Variants in EML4 observed in about 807,000 individuals in gnomAD.
The protein encoded by EML4 is echinoderm microtubule-associated protein-like 4.
EML4 carries 72 observed loss-of-function variants against 129.0 expected under a neutral mutation model. The observed-to-expected ratio is 0.56, with a 90% CI of 0.46 to 0.68. The LOEUF is 0.68. EML4 is among the 30% of genes least tolerant of loss of function. EML4 has a pLI of 0.00. For missense variants in EML4, 1,363 were observed against 1,190.6 expected (o/e 1.14, Z -2.13); for synonymous variants, 532 against 405.0 (o/e 1.31, Z -3.77).
chr2:42,263,741 A>G (rs1315234904), intron 5 of EML4, among the ~76,000 whole-genome samples: 1 of 139,350 alleles, frequency 7.2e-6, no homozygotes, highest in Non-Finnish European at 1.6e-5. Flanking sequence ...ATTATAATTT[A>G]TACTTCTCTT....
In EML4 at chr2:42,329,718, G is replaced by GATTT; in HGVS notation, c.2473-11_2473-8dup. 6.2e-7 allele frequency: 1 copy of GATTT among 1,603,624 alleles called. No homozygotes were observed. Among genetic ancestry groups the GATTT allele is most frequent in the Non-Finnish European group, 8.5e-7 (1 of 1,171,700 alleles). ...ATGAGTTTAATTTTCCTGTCTGTCT[G>GATTT]ATTTATTTCATATAGGCTCCCAGTC... On this transcript the variant is annotated splice_polypyrimidine_tract_variant and intron_variant, in intron 22 of 22. Transcript: ENST00000318522.
chr2:42,276,963 C>T (rs1407570222), intron 6 of EML4, among the ~76,000 whole-genome samples: 1 of 152,134 alleles, frequency 6.6e-6, no homozygotes, highest in Non-Finnish European at 1.5e-5. Flanking sequence ...CTACATCATG[C>T]CTTTGCTTTT....
intron 17 of EML4, among the ~76,000 whole-genome samples, chr2:42,313,079 G>A (rs934312239): frequency 2.0e-5 from 3 of 150,322 alleles, no homozygotes; most frequent in African/African-American, 7.4e-5. Context: ...CTTCCAAGTA[G>A]CTGGGACTAC....
At chr2:42,329,671 T>C (rs1669993731) in intron 22 of EML4, 63 bp from the exon 23 acceptor site, 8 of 1,413,582 alleles carry the variant, frequency 5.7e-6, no homozygotes, top group Non-Finnish European at 6.9e-6. Flanking sequence ...TCACCTCCAT[T>C]TCTGAAACAG....
In EML4 at chr2:42,231,435, T is replaced by C. The variant is rs373304878; in HGVS notation, c.26-14070T>C. Among the ~76,000 whole-genome samples, 9 of 152,352 alleles carry C rather than the reference T, an allele frequency of 5.9e-5. No homozygotes were observed. In the East Asian group the frequency reaches 9.6e-4, roughly 16 times the overall value. On this transcript the variant is annotated intron_variant, in intron 1 of 22. Transcript: ENST00000318522. ...TAAGCCCAAGACCTAGTTATACTTT[T>C]GTTATAATGACCTCAAACTCAGCAG...
intron 1 of EML4, among the ~76,000 whole-genome samples, chr2:42,211,190 A>G (rs1188273609): frequency 8.5e-5 from 13 of 152,238 alleles, no homozygotes; most frequent in African/African-American, 3.1e-4. Context: ...GTCTCCCATC[A>G]TGAAGGGGCA....
chr2:42,198,818 G>T (rs947538683), intron 1 of EML4, among the ~76,000 whole-genome samples: 4 of 152,202 alleles, frequency 2.6e-5, no homozygotes, highest in African/African-American at 9.7e-5. Context: ...GGTTTCTGTT[G>T]TGTGTATGTA....
chr2:42,302,502 C>T (rs550345138), intron 14 of EML4, among the ~76,000 whole-genome samples: 1 of 151,504 alleles, frequency 6.6e-6, no homozygotes, highest in African/African-American at 2.4e-5. Context: ...CCACATTCTT[C>T]ATGTGATTTC....
At chr2:42,214,866 T>G (rs879413006) in intron 1 of EML4, among the ~76,000 whole-genome samples, 39 of 152,140 alleles carry the variant, frequency 2.6e-4, no homozygotes, top group Middle Eastern at 3.2e-3. Context: ...GAAAACAGTC[T>G]TAGATTCTGC....
intron 21 of EML4, among the ~76,000 whole-genome samples, chr2:42,326,833 G>A (rs1669835280): frequency 6.6e-6 from 1 of 152,166 alleles, no homozygotes; most frequent in Non-Finnish European, 1.5e-5. Flanking sequence ...AGTGAGCTGA[G>A]ATTGTGCCAC....
intron 1 of EML4, among the ~76,000 whole-genome samples, chr2:42,176,843 G>A (rs150488642): frequency 0.016 from 2,451 of 152,094 alleles, 34 homozygotes; most frequent in Admixed American, 0.025. Flanking sequence ...GCCCAGGCTG[G>A]AGTGCAGTGG....
At chr2:42,304,016 C>G (rs932570990) in intron 16 of EML4, among the ~76,000 whole-genome samples, 2 of 152,172 alleles carry the variant, frequency 1.3e-5, no homozygotes, top group African/African-American at 4.8e-5. Flanking sequence ...TTTCAAATAT[C>G]TACATAGCAT....
chr2:42,265,661 A>G (rs1000428973), intron 6 of EML4, among the ~76,000 whole-genome samples: 1 of 120,590 alleles, frequency 8.3e-6, no homozygotes, highest in East Asian at 3.5e-4. Flanking sequence ...CTTAAAAAAA[A>G]GTTTTACCTA....
chr2:42,249,342 A>G (rs181596921), intron 2 of EML4, among the ~76,000 whole-genome samples: 1 of 152,094 alleles, frequency 6.6e-6, no homozygotes, highest in East Asian at 1.9e-4. Flanking sequence ...GTATCACATA[A>G]TTTATTGACA....
At chr2:42,210,126 C>T (rs959648229) in intron 1 of EML4, among the ~76,000 whole-genome samples, 1 of 151,918 alleles carries the variant, frequency 6.6e-6, no homozygotes, top group Non-Finnish European at 1.5e-5. Context: ...AACTAAAATC[C>T]ATAGTTTATT....
intron 1 of EML4, among the ~76,000 whole-genome samples, chr2:42,234,806 G>C (rs1189372873): frequency 6.6e-6 from 1 of 152,148 alleles, no homozygotes; most frequent in Non-Finnish European, 1.5e-5. Context: ...ATCAGAAATT[G>C]TATAATTAAG....
At chr2:42,207,942 T>A (rs1672656759) in intron 1 of EML4, 2 of 152,246 alleles carry the variant, frequency 1.3e-5, no homozygotes, top group African/African-American at 4.8e-5. Flanking sequence ...AGATTGGTAA[T>A]TGAGAGTCCT....
rs1014561888 is a variant in EML4, at chr2:42,329,116, G to C, written c.2472+100G>C. On this transcript the variant is annotated intron_variant, in intron 22 of 22. Coordinates refer to ENST00000318522, the MANE Select transcript of EML4 (RefSeq NM_019063.5). The stretch of plus-strand genomic sequence containing the variant: ...ATATAGGTTACTGATTCCTCTCCAT[G>C]ATACTCCAGTGCACAGAGGGAGATA... 8 of 1,228,874 alleles carry C rather than the reference G, an allele frequency of 6.5e-6. No homozygotes were observed. The Admixed American group carries it at 1.7e-4, about 27-fold the overall frequency. 76.1% of individuals were successfully genotyped at this position (1,228,874 alleles called of 1,614,324 possible).
chr2:42,194,294 G>GT (rs1314111563), intron 1 of EML4, among the ~76,000 whole-genome samples: 1 of 143,110 alleles, frequency 7.0e-6, no homozygotes, highest in Non-Finnish European at 1.5e-5. Flanking sequence ...TCTTTTTTTT[G>GT]TATCTAGTCC....
Sources: allele counts gnomAD v4.1 joint callset (sites outside exome capture counted in the v4.1 genomes callset), GRCh38; gene constraint gnomAD v4.1.1; transcripts MANE v1.5; gene names NCBI Gene and HGNC (gene_info 2026-07-23, HGNC 2026-07-21).